Variants in ATG2A observed in about 807,000 individuals in gnomAD.
ATG2A encodes autophagy related 2A, also known as autophagy-related protein 2 homolog A.
A neutral mutation model predicts 214.2 loss-of-function variants in ATG2A; 103 were observed. That is an observed-to-expected ratio of 0.48 (90% CI 0.41 to 0.57). The LOEUF is 0.57. Among genes scored for constraint, ATG2A ranks in the 20% least tolerant of loss-of-function variants. The pLI is 0.00. For synonymous variants in ATG2A, 1,160 were observed against 1,142.1 expected (o/e 1.02, Z -0.32); for missense variants, 2,312 against 2,613.2 (o/e 0.88, Z 2.51).
Position 64,902,049 on chromosome 11 carries a change from C to A in ATG2A, c.4032G>T (p.Lys1344Asn). 6.2e-7 allele frequency: 1 copy of A among 1,614,084 alleles called. No homozygotes were observed. The highest frequency in any genetic ancestry group is 8.5e-7 in the Non-Finnish European group (1 of 1,180,036). Residue 1344 changes from lysine (K) to asparagine (N), a missense_variant, in exon 29 of 41, where the codon AAG becomes AAT. By Grantham distance (94) the Lys-to-Asn change is moderately conservative. Coordinates refer to ENST00000377264, the MANE Select transcript of ATG2A (RefSeq NM_015104.3). ...AGSLGSCSEEKEDEREEEGDG... is the reference protein window; with the variant it reads ...AGSLGSCSEENEDEREEEGDG... ...CGCCCTCCTCTTCCCTTTCATCTTC[C>A]TTCTCCTCTGAGCATGACCCTAAGC...
intron 9 of ATG2A, 149 bp from the exon 10 acceptor site, chr11:64,911,424 C>T: frequency 1.3e-6 from 1 of 782,588 alleles, no homozygotes; most frequent in Non-Finnish European, 2.0e-6. Context: ...AGGGGTGACA[C>T]TGGTGCCTCC....
At chr11:64,912,284 G>GC in intron 7 of ATG2A, 35 bp from the exon 8 acceptor site, 2 of 1,602,296 alleles carry the variant, frequency 1.2e-6, no homozygotes, top group Non-Finnish European at 1.7e-6. Context: ...GGGCTGGCTG[G>GC]CCCTCCCAGC....
At position 64,903,704 on chromosome 11, in the gene ATG2A, G is replaced by A. The variant is rs1160769005; in HGVS notation, c.3465-44C>T. 2.6e-6 allele frequency: 4 copies of A among 1,529,574 alleles called. No individual in the cohort carries two copies. Among genetic ancestry groups the A allele is most frequent in the South Asian group, 1.2e-5 (1 of 82,774 alleles). The allele number at this position is 1,529,574 out of a possible 1,614,324, so 94.8% of individuals were successfully genotyped here. Reference sequence around the variant, plus strand: ...GAGAAGGGCCCGGGCACCGCTGCAGGGGGCAGCTCCACGGGAGCCGAGCAG... The same window carrying A: ...GAGAAGGGCCCGGGCACCGCTGCAGAGGGCAGCTCCACGGGAGCCGAGCAG... On this transcript the variant is annotated intron_variant, in intron 24 of 40. Transcript: ENST00000377264. The surrounding 1 kb of genome is among the most constrained non-coding windows in gnomAD (Gnocchi z 4.2).
rs766604806 is a variant in ATG2A at position 64,907,436 on chromosome 11, T to C, written c.2651A>G (p.Asn884Ser). The C allele has an allele frequency of 1.3e-5, 20 of 1,598,956 alleles. No homozygotes were observed. Among genetic ancestry groups the C allele is most frequent in the Non-Finnish European group, 1.7e-5 (20 of 1,172,854 alleles). The change falls in exon 19 of 41, where the codon AAC (asparagine) becomes AGC (serine). Residue 884 changes from asparagine (N) to serine (S), a missense_variant. By Grantham distance (46) the Asn-to-Ser change is conservative. Transcript: ENST00000377264. Reference sequence around the variant, plus strand: ...CGAGTCTGGGGTGAGATCAAAGCAGTTGGCTGGGAAGGAGACCGCGAAGGG... The same window carrying C: ...CGAGTCTGGGGTGAGATCAAAGCAGCTGGCTGGGAAGGAGACCGCGAAGGG... ...KMCKSAFKLA[N>S]CFDLTPDSDS...
At position 64,917,176 on chromosome 11, in the gene ATG2A, C is replaced by A. The variant is rs1445913434; in HGVS notation, c.-41G>T. 1 of 1,551,858 alleles carries A rather than the reference C, an allele frequency of 6.4e-7. No homozygotes were observed. Among genetic ancestry groups the A allele is most frequent in the Non-Finnish European group, 8.7e-7 (1 of 1,147,972 alleles). The stretch of plus-strand genomic sequence containing the variant: ...GCCTGGGCCGCCTCCGCTTGCCGCC[C>A]GCCGGCGATCCCCGTCCGGCTCCGC... On this transcript the variant is annotated 5_prime_UTR_variant, in exon 1 of 41. Transcript: ENST00000377264.
At position 64,906,461 on chromosome 11, in the gene ATG2A, G is replaced by A. The variant is rs1440760598; in HGVS notation, c.3056C>T (p.Pro1019Leu). 5.0e-6 allele frequency: 8 copies of A among 1,613,224 alleles called. No individual in the cohort carries two copies. In the Admixed American group the frequency reaches 6.7e-5, roughly 13 times the overall value. The change falls in exon 21 of 41, where the codon CCA becomes CTA. Residue 1019 changes from proline (P) to leucine (L), a missense_variant. Transcript: ENST00000377264. ...CCCTTCCTCCGATGGGTAGATGGTT[G>A]GGGCCAGCTGAGCCGGGGGAGCGAA... ...PSFAPPAQLA[P>L]TIYPSEEGVT...
intron 12 of ATG2A, 48 bp downstream of exon 12, chr11:64,910,568 G>A (rs372539224): frequency 3.2e-6 from 5 of 1,553,596 alleles, no homozygotes; most frequent in Non-Finnish European, 3.5e-6. Flanking sequence ...CCAGGGTGGG[G>A]TCAACACGCC....
At chr11:64,901,844 G>T in intron 29 of ATG2A, 118 bp downstream of exon 29, 2 of 1,211,686 alleles carry the variant, frequency 1.7e-6, no homozygotes, top group Non-Finnish European at 2.3e-6. Context: ...ACCACCTCCT[G>T]CCTGCTTCTC....
rs1306212407 is a variant in ATG2A at position 64,906,735 on chromosome 11, G to A, written c.2913C>T (p.Ser971=). ...CAAGTCCTGGCTGGCCACAGTACTG[G>A]GAGACGCTGAAGAGGGTACCGTGCT... ...DMEHGTLFSV[S]QYCGQPGLGY... The change falls in exon 20 of 41, where the codon TCC becomes TCT. Residue 971 remains serine, a synonymous_variant. Transcript: ENST00000377264. 4 of 1,613,676 alleles carry A rather than the reference G, an allele frequency of 2.5e-6. No homozygotes were observed. The highest frequency in any genetic ancestry group is 3.4e-6 in the Non-Finnish European group (4 of 1,180,008).
In ATG2A at chr11:64,913,300, C is replaced by T. The variant is rs1179839722; in HGVS notation, c.692G>A (p.Gly231Glu). 1 of 1,610,362 alleles carries T rather than the reference C, an allele frequency of 6.2e-7. No individual in the cohort carries two copies. Among genetic ancestry groups the T allele is most frequent in the Non-Finnish European group, 8.5e-7 (1 of 1,179,212 alleles). The change falls in exon 5 of 41, where the codon GGG becomes GAG. Residue 231 changes from glycine (G) to glutamate (E), a missense_variant. Gly to Glu is a moderately conservative substitution (Grantham distance 98, BLOSUM62 -2). Coordinates refer to ENST00000377264, the MANE Select transcript of ATG2A (RefSeq NM_015104.3). This position sits in a 1 kb window ranked among gnomAD's most constrained non-coding sequence, Gnocchi z 4.3. ...GAGCTCCTCGTAGTGCAGGCGGACC[C>T]CTGCCAGCTGCAGCAGCTTGTGCAG... is the stretch of plus-strand genomic sequence containing the variant. ...AFLHKLLQLA[G>E]VRLHYEELPA...
At chr11:64,902,981 A>G (rs1292174207) in intron 26 of ATG2A, among the ~76,000 whole-genome samples, 1 of 131,314 alleles carries the variant, frequency 7.6e-6, no homozygotes, top group Non-Finnish European at 1.5e-5. Flanking sequence ...GGTTATCTCC[A>G]TCTTACAGGA....
At chr11:64,908,474 C>T (rs2136608444) in intron 16 of ATG2A, among the ~76,000 whole-genome samples, 1 of 152,280 alleles carries the variant, frequency 6.6e-6, no homozygotes, top group South Asian at 2.1e-4. Context: ...ATCGCTTGAG[C>T]CTGGGAGGCG....
In ATG2A at chr11:64,913,967, G is replaced by T; in HGVS notation, c.488-44C>A. The T allele has an allele frequency of 6.2e-7, 1 of 1,601,884 alleles. No homozygotes were observed. Among genetic ancestry groups the T allele is most frequent in the East Asian group, 2.3e-5 (1 of 43,914 alleles). On this transcript the variant is annotated intron_variant, in intron 3 of 40. Coordinates refer to ENST00000377264, the MANE Select transcript of ATG2A (RefSeq NM_015104.3). The surrounding 1 kb of genome is among the most constrained non-coding windows in gnomAD (Gnocchi z 4.3). The stretch of plus-strand genomic sequence containing the variant: ...GTCTCAGGTCAGGTAGAGCAGCAAA[G>T]GGGAGGCAGAATTTCCCATCTGGGC...
At chr11:64,910,537 CAG>C in intron 12 of ATG2A, 77 bp downstream of exon 12, 2 of 1,465,512 alleles carry the variant, frequency 1.4e-6, no homozygotes, top group South Asian at 1.2e-5. Context: ...GGCTGGGCAG[CAG>C]AGGAGGCCCT....
intron 24 of ATG2A, among the ~76,000 whole-genome samples, chr11:64,904,674 T>C (rs1944476224): frequency 6.6e-6 from 1 of 152,192 alleles, no homozygotes; most frequent in Non-Finnish European, 1.5e-5. Flanking sequence ...AAAACCACCA[T>C]ACACATCTCC....
chr11:64,902,262 G>A lies in ATG2A; in HGVS notation c.3902C>T (p.Ser1301Leu). The A allele has an allele frequency of 3.7e-6, 6 of 1,613,282 alleles. No individual in the cohort carries two copies. The highest frequency in any genetic ancestry group is 5.1e-6 in the Non-Finnish European group (6 of 1,180,012). The change falls in exon 28 of 41, where the codon TCA becomes TTA. Residue 1301 changes from serine to leucine, a missense_variant and splice_region_variant. Coordinates refer to ENST00000377264, the MANE Select transcript of ATG2A (RefSeq NM_015104.3). ...ERSLRELAQPSGGHLPQASPI... is the reference protein window; with the variant it reads ...ERSLRELAQPLGGHLPQASPI... The stretch of plus-strand genomic sequence containing the variant: ...TCCCCACAGCACCCCCACTTCACCT[G>A]AAGGCTGGGCCAGCTCCCGTAGGCT...
Position 64,912,213 on chromosome 11 carries a change from C to A in ATG2A, c.959G>T (p.Arg320Leu). ...EGLADKLNKSRPLGAEDLWLI... is the reference protein window; with the variant it reads ...EGLADKLNKSLPLGAEDLWLI... The stretch of plus-strand genomic sequence containing the variant: ...CCACAGGTCTTCGGCACCTAGCGGG[C>A]GGCTCTTGTTCAGCTTGTCAGCCAG... The change falls in exon 8 of 41, where the codon CGC becomes CTC. Residue 320 changes from arginine to leucine, a missense_variant. Transcript: ENST00000377264. The A allele has an allele frequency of 6.2e-7, 1 of 1,613,634 alleles. No homozygotes were observed. The highest frequency in any genetic ancestry group is 8.5e-7 in the Non-Finnish European group (1 of 1,179,906).
intron 1 of ATG2A, among the ~76,000 whole-genome samples, chr11:64,915,268 C>T (rs1264390461): frequency 1.3e-5 from 2 of 151,790 alleles, no homozygotes; most frequent in African/African-American, 2.4e-5. Context: ...GAGGGCTGTA[C>T]CCCACCTGCC....
Position 64,913,025 on chromosome 11 carries a change from C to A in ATG2A, c.825+13G>T, listed in dbSNP as rs200785301. On this transcript the variant is annotated intron_variant, in intron 6 of 40. Coordinates refer to ENST00000377264, the MANE Select transcript of ATG2A (RefSeq NM_015104.3). The surrounding 1 kb of genome is among the most constrained non-coding windows in gnomAD (Gnocchi z 4.3). ...GGGGTACTCACCCCCTCCCCAGGGG[C>A]CTGGGGACCCACCTTGGGGCCAGGG... 1 of 1,536,356 alleles carries A rather than the reference C, an allele frequency of 6.5e-7. No individual in the cohort carries two copies. Among genetic ancestry groups the A allele is most frequent in the Non-Finnish European group, 8.8e-7 (1 of 1,140,012 alleles).
Sources: allele counts gnomAD v4.1 joint callset (sites outside exome capture counted in the v4.1 genomes callset), GRCh38; gene constraint gnomAD v4.1.1; non-coding constraint Gnocchi (gnomAD v3.1); transcripts MANE v1.5; gene names NCBI Gene and HGNC (gene_info 2026-07-23, HGNC 2026-07-21).